Variants in RNF228 observed in about 807,000 individuals in gnomAD.
RNF228 encodes ring finger protein 228.
the RNF228 span, among the ~76,000 whole-genome samples, chr2:222,316,460 T>C: frequency 6.6e-6 from 1 of 152,246 alleles, no homozygotes; most frequent in African/African-American, 2.4e-5. Flanking sequence ...AAATGTGGCT[T>C]CTGTTGCCAT....
the RNF228 span, chr2:222,317,426 C>G: frequency 1.3e-5 from 2 of 152,168 alleles, no homozygotes; most frequent in Admixed American, 1.3e-4. Flanking sequence ...ATCATGCAGA[C>G]AGCTTGCATA....
At chr2:222,318,325 C>T in the RNF228 span, 4 of 152,358 alleles carry the variant, frequency 2.6e-5, no homozygotes, top group Non-Finnish European at 5.9e-5. Flanking sequence ...CTCGGCCACT[C>T]CGAGTCGGCT....
At chr2:222,318,996 G>C in the RNF228 span, 2 of 153,894 alleles carry the variant, frequency 1.3e-5, no homozygotes, top group Non-Finnish European at 2.9e-5. Flanking sequence ...CGGGGCTGGA[G>C]GTGCAGGCGC....
chr2:222,317,603 C>T, the RNF228 span: 3 of 152,264 alleles, frequency 2.0e-5, no homozygotes, highest in Admixed American at 2.0e-4. Context: ...CCACTTGCAA[C>T]ATATACTGGC....
At chr2:222,318,047 A>G in the RNF228 span, 1 of 152,208 alleles carries the variant, frequency 6.6e-6, no homozygotes, top group African/African-American at 2.4e-5. Flanking sequence ...TGAAATTAAG[A>G]AAAAAAGGCG....
the RNF228 span, among the ~76,000 whole-genome samples, chr2:222,316,472 G>A: frequency 4.7e-4 from 72 of 152,302 alleles, no homozygotes; most frequent in African/African-American, 1.6e-3. Flanking sequence ...TGTTGCCATC[G>A]AGGTGATTCA....
the RNF228 span, among the ~76,000 whole-genome samples, chr2:222,319,763 GGCGGCA>G: frequency 2.7e-5 from 4 of 146,394 alleles, no homozygotes; most frequent in East Asian, 6.0e-4. The surrounding 1 kb of genome is among the most constrained non-coding windows in gnomAD (Gnocchi z 7.6). Context: ...GCTCAGGCGC[GGCGGCA>G]GCGGCGGCGG....
the RNF228 span, among the ~76,000 whole-genome samples, chr2:222,316,631 CAT>C: frequency 6.6e-6 from 1 of 152,176 alleles, no homozygotes; most frequent in Non-Finnish European, 1.5e-5. Flanking sequence ...ATAAAAAACT[CAT>C]GTGTGTGTAC....
At chr2:222,315,951 A>G in the RNF228 span, among the ~76,000 whole-genome samples, 1 of 152,194 alleles carries the variant, frequency 6.6e-6, no homozygotes, top group African/African-American at 2.4e-5. Context: ...CCAAGCAGGT[A>G]CAGAGACCAG....
the RNF228 span, among the ~76,000 whole-genome samples, chr2:222,314,316 A>G: frequency 4.4e-4 from 67 of 152,366 alleles, no homozygotes; most frequent in African/African-American, 1.5e-3. Context: ...AGCTTATCTT[A>G]TATGGAAAAT....
At chr2:222,316,073 T>C in the RNF228 span, among the ~76,000 whole-genome samples, 4 of 152,318 alleles carry the variant, frequency 2.6e-5, no homozygotes, top group African/African-American at 9.6e-5. Flanking sequence ...AATACCACTT[T>C]CACCAGGAAT....
At chr2:222,318,117 G>A in the RNF228 span, 1 of 152,220 alleles carries the variant, frequency 6.6e-6, no homozygotes, top group Non-Finnish European at 1.5e-5. Flanking sequence ...TCTTCCAGGT[G>A]GGGGCAACCG....
At chr2:222,314,582 T>G in the RNF228 span, among the ~76,000 whole-genome samples, 5 of 152,252 alleles carry the variant, frequency 3.3e-5, no homozygotes, top group Non-Finnish European at 7.3e-5. Flanking sequence ...TCATCATCTT[T>G]GTATAATAGC....
chr2:222,317,303 C>T, the RNF228 span: 5 of 152,168 alleles, frequency 3.3e-5, no homozygotes, highest in African/African-American at 9.7e-5. Flanking sequence ...ACACTTCATA[C>T]TGTAGTTTCT....
At chr2:222,319,430 G>T in the RNF228 span, 48 of 225,288 alleles carry the variant, frequency 2.1e-4, no homozygotes, top group Non-Finnish European at 3.7e-4. This position sits in a 1 kb window ranked among gnomAD's most constrained non-coding sequence, Gnocchi z 7.6. Flanking sequence ...CGCGCAGGCC[G>T]GGGCGGGCTC....
the RNF228 span, chr2:222,317,640 G>C: frequency 6.6e-6 from 1 of 152,118 alleles, no homozygotes; most frequent in African/African-American, 2.4e-5. Context: ...TACAAAATCA[G>C]ATAGATATAT....
the RNF228 span, among the ~76,000 whole-genome samples, chr2:222,315,372 A>T: frequency 6.6e-6 from 1 of 152,224 alleles, no homozygotes; most frequent in Admixed American, 6.5e-5. Context: ...GATAACTAAG[A>T]CTACTGCAAA....
chr2:222,316,261 CCATGACCA>C, the RNF228 span, among the ~76,000 whole-genome samples: 1 of 152,178 alleles, frequency 6.6e-6, no homozygotes, highest in African/African-American at 2.4e-5. Context: ...CAGATATTTT[CCATGACCA>C]CATCCTGCCA....
At chr2:222,319,525 T>A in the RNF228 span, among the ~76,000 whole-genome samples, 2 of 27,804 alleles carry the variant, frequency 7.2e-5, no homozygotes, top group African/African-American at 2.8e-4. This position sits in a 1 kb window ranked among gnomAD's most constrained non-coding sequence, Gnocchi z 7.6. Context: ...GGGGCCGGGG[T>A]GGGCGGCGGG....
Sources: gnomAD v4.1 joint callset for allele counts (sites outside exome capture counted in the v4.1 genomes callset) on GRCh38, gnomAD v4.1.1 for gene constraint, Gnocchi (gnomAD v3.1) non-coding constraint, MANE v1.5 for transcripts, NCBI Gene and HGNC (gene_info 2026-07-23, HGNC 2026-07-21) for gene names.